Variants in ABCC3 observed in about 807,000 individuals in gnomAD.
ABCC3 encodes the protein ATP binding cassette subfamily C member 3.
In ABCC3, 121 loss-of-function variants were observed where a neutral mutation model predicts 165.3. The ratio of observed to expected loss-of-function variants is 0.73; its 90% CI spans 0.63 to 0.85. The LOEUF is 0.85. ABCC3 is among the 40% of genes least tolerant of loss of function. ABCC3 has a pLI of 0.00. For synonymous variants in ABCC3, 733 were observed against 810.1 expected, an observed-to-expected ratio of 0.90 and a Z score of 1.62; for missense variants, 1,869 against 1,964.1, an observed-to-expected ratio of 0.95 and a Z score of 0.92.
chr17:50,677,008 G>C (rs1567837071), intron 23 of ABCC3, among the ~76,000 whole-genome samples: 1 of 152,078 alleles, frequency 6.6e-6, no homozygotes, highest in Non-Finnish European at 1.5e-5. Context: ...CAGCCTCCCA[G>C]GTAGCTGGGA....
intron 1 of ABCC3, 63 bp from the exon 2 acceptor site, chr17:50,655,769 C>G: frequency 2.0e-6 from 3 of 1,513,722 alleles, no homozygotes; most frequent in Non-Finnish European, 2.7e-6. Context: ...AAGCCATCTT[C>G]CTCAAGGCAG....
In ABCC3 at chr17:50,687,579, C is replaced by T. The variant is rs201242155; in HGVS notation, c.4324C>T (p.Arg1442Cys). The change falls in exon 30 of 31, where the codon CGC becomes TGC. Residue 1442 changes from arginine to cysteine, a missense_variant. By Grantham distance (180) the Arg-to-Cys change is radical (BLOSUM62 -3). Transcript: ENST00000285238. ...QLVCLARALLRKSRILVLDEA... is the reference protein window; with the variant it reads ...QLVCLARALLCKSRILVLDEA... ...CGTGTGCCTGGCCCGAGCCCTGCTC[C>T]GCAAGAGCCGCATCCTGGTTTTAGA... The T allele has an allele frequency of 9.3e-6, 15 of 1,614,010 alleles. No homozygotes were observed. The highest frequency in any genetic ancestry group is 1.7e-5 in the Admixed American group (1 of 60,016).
chr17:50,666,726 G>A (rs1157247984), intron 11 of ABCC3, among the ~76,000 whole-genome samples: 1 of 152,206 alleles, frequency 6.6e-6, no homozygotes, highest in Non-Finnish European at 1.5e-5. Context: ...CGTAGCCCAT[G>A]GCCTGGCACA....
In ABCC3 at chr17:50,660,956, C is replaced by A. The variant is rs1967364487; in HGVS notation, c.840C>A (p.Ala280=). 3.1e-6 allele frequency: 5 copies of A among 1,611,736 alleles called. No individual in the cohort carries two copies. The highest frequency in any genetic ancestry group is 3.4e-6 in the Non-Finnish European group (4 of 1,178,942). ...HKASAAPGKN[A]SGEDEVLLGA... The stretch of plus-strand genomic sequence containing the variant: ...CTTCAGCAGCACCTGGGAAAAATGC[C>A]TCCGGCGAGGACGAGGTGCTGCTGG... The change falls in exon 8 of 31, where the codon GCC becomes GCA. Residue 280 remains alanine, a synonymous_variant. Coordinates refer to ENST00000285238, the MANE Select transcript of ABCC3 (RefSeq NM_003786.4).
rs769895458 is a variant in ABCC3, at chr17:50,677,795, C to T, written c.3430C>T (p.Arg1144Cys). Residue 1144 changes from arginine (R) to cysteine (C), a missense_variant, in exon 24 of 31, where the codon CGC becomes TGC. By Grantham distance (180) the Arg-to-Cys change is radical (BLOSUM62 -3). Coordinates refer to ENST00000285238, the MANE Select transcript of ABCC3 (RefSeq NM_003786.4). ...RQLKRLESVS[R>C]SPIYSHFSET... ...ACTGAAGCGGCTGGAATCAGTCAGC[C>T]GCTCACCTATCTACTCCCACTTTTC... 29 of 1,613,986 alleles carry T rather than the reference C, an allele frequency of 1.8e-5. No homozygotes were observed. Among genetic ancestry groups the T allele is most frequent in the South Asian group, 8.8e-5 (8 of 91,082 alleles).
intron 1 of ABCC3, among the ~76,000 whole-genome samples, chr17:50,641,274 G>C (rs962357792): frequency 6.6e-6 from 1 of 152,238 alleles, no homozygotes; most frequent in Admixed American, 6.5e-5. Flanking sequence ...TTGTTGCTGT[G>C]GAAACTGTGT....
At chr17:50,663,529 G>A in intron 8 of ABCC3, 152 bp from the exon 9 acceptor site, 2 of 832,732 alleles carry the variant, frequency 2.4e-6, no homozygotes, top group East Asian at 5.2e-5. Context: ...GGCAGTACTG[G>A]GTTGACCCTC....
intron 1 of ABCC3, among the ~76,000 whole-genome samples, chr17:50,647,984 A>G (rs1221144458): frequency 1.3e-5 from 2 of 152,112 alleles, no homozygotes; most frequent in Non-Finnish European, 2.9e-5. Context: ...GGTTGCTGTG[A>G]GCTGAGATCA....
intron 17 of ABCC3, among the ~76,000 whole-genome samples, chr17:50,671,689 T>TCTTC (rs1567834397): frequency 4.8e-5 from 7 of 144,376 alleles, no homozygotes; most frequent in African/African-American, 1.8e-4. Flanking sequence ...CTCAGGTCTC[T>TCTTC]CTTCCTTCCT....
chr17:50,652,297 T>C (rs1312037332), intron 1 of ABCC3, among the ~76,000 whole-genome samples: 1 of 152,216 alleles, frequency 6.6e-6, no homozygotes, highest in Non-Finnish European at 1.5e-5. Context: ...CTCCTGAATT[T>C]ATTAAAGACT....
In ABCC3 at chr17:50,656,726, G is replaced by A. The variant is rs769569355; in HGVS notation, c.247G>A (p.Val83Ile). The change falls in exon 3 of 31, where the codon GTC becomes ATC. Residue 83 changes from valine to isoleucine, a missense_variant. Coordinates refer to ENST00000285238, the MANE Select transcript of ABCC3 (RefSeq NM_003786.4). ...GGTCCTGGGTGTCCTGCTGTGGTGC[G>A]TCTCCTGGGCGGACCTTTTTTACTC... ...KMVLGVLLWC[V>I]SWADLFYSFH... The A allele has an allele frequency of 7.4e-6, 12 of 1,613,604 alleles. No individual in the cohort carries two copies. The highest frequency in any genetic ancestry group is 1.7e-5 in the Admixed American group (1 of 59,880).
At chr17:50,649,751 A>AAAGG (rs1244528132) in intron 1 of ABCC3, among the ~76,000 whole-genome samples, 1 of 151,652 alleles carries the variant, frequency 6.6e-6, no homozygotes, top group Admixed American at 6.6e-5. Context: ...AGAGAGAGAG[A>AAAGG]AAGGAAGGAA....
chr17:50,644,623 A>C (rs1433292830), intron 1 of ABCC3, among the ~76,000 whole-genome samples: 1 of 152,096 alleles, frequency 6.6e-6, no homozygotes, highest in Non-Finnish European at 1.5e-5. Flanking sequence ...GAGACAGGAG[A>C]ATCACTTGAA....
rs762810654 is a variant in ABCC3, at chr17:50,663,675, C to G, written c.999-6C>G. 16 of 1,614,036 alleles carry G rather than the reference C, an allele frequency of 9.9e-6. No individual in the cohort carries two copies. In the Admixed American group the frequency reaches 2.7e-4, roughly 27 times the overall value. On this transcript the variant is annotated splice_polypyrimidine_tract_variant and splice_region_variant and intron_variant, in intron 8 of 30. Coordinates refer to ENST00000285238, the MANE Select transcript of ABCC3 (RefSeq NM_003786.4). The stretch of plus-strand genomic sequence containing the variant: ...TGCCCACCTCACTCCTCTCTCCTCC[C>G]CACAGCATCCTGATCAGGTTTATCT...
intron 26 of ABCC3, among the ~76,000 whole-genome samples, chr17:50,682,074 C>T (rs1480160371): frequency 6.6e-6 from 1 of 152,170 alleles, no homozygotes; most frequent in African/African-American, 2.4e-5. Flanking sequence ...GCCTGCTGCT[C>T]TGCTTTTTCA....
chr17:50,668,747 G>T, intron 14 of ABCC3, 106 bp from the exon 15 acceptor site: 1 of 962,130 alleles, frequency 1.0e-6, no homozygotes, highest in Non-Finnish European at 1.6e-6. Context: ...CCTCCCCATG[G>T]CCCAGGCTCC....
chr17:50,687,291 G>C (rs1037629430), intron 29 of ABCC3: 31 of 473,408 alleles, frequency 6.5e-5, no homozygotes, highest in Non-Finnish European at 1.1e-4. Context: ...GGAGGCCAAG[G>C]GTGCCAAGAG....
intron 25 of ABCC3, chr17:50,679,009 A>G (rs1291030172): frequency 6.6e-6 from 1 of 152,028 alleles, no homozygotes; most frequent in Non-Finnish European, 1.5e-5. Context: ...GGACAAACAG[A>G]ATTTCTCTTG....
chr17:50,643,664 G>A (rs1275847593), intron 1 of ABCC3: 1 of 455,962 alleles, frequency 2.2e-6, no homozygotes, highest in African/African-American at 2.0e-5. Context: ...TGAAGAAGGT[G>A]GGTTTTCAGC....
Sources: gnomAD v4.1 joint callset for allele counts (sites outside exome capture counted in the v4.1 genomes callset) on GRCh38, gnomAD v4.1.1 for gene constraint, MANE v1.5 for transcripts, NCBI Gene and HGNC (gene_info 2026-07-23, HGNC 2026-07-21) for gene names.